TTBK2: variants seen among roughly 807,000 people sequenced by gnomAD.
TTBK2 encodes the protein tau-tubulin kinase 2.
Under a neutral mutation model 110.8 loss-of-function variants are expected in TTBK2, and 28 were observed. The observed-to-expected ratio is 0.25, with a 90% CI of 0.19 to 0.35. TTBK2 has a LOEUF of 0.35. TTBK2 is among the 10% of genes least tolerant of loss of function. TTBK2 has a pLI of 1.00. For missense variants in TTBK2, 1,369 were observed against 1,500.3 expected (o/e 0.91, Z 1.45); for synonymous variants, 532 against 527.3 (o/e 1.01, Z -0.12).
chr15:42,906,323 A>G (rs1024198888), intron 1 of TTBK2, among the ~76,000 whole-genome samples: 1 of 152,218 alleles, frequency 6.6e-6, no homozygotes, highest in Non-Finnish European at 1.5e-5. Flanking sequence ...AAATTACCAT[A>G]TTTGCACGGA....
chr15:42,884,241 G>T (rs1230572310), intron 1 of TTBK2, among the ~76,000 whole-genome samples: 1 of 152,090 alleles, frequency 6.6e-6, no homozygotes, highest in African/African-American at 2.4e-5. Flanking sequence ...AAATTGTCAA[G>T]AATACAGAAG....
chr15:42,867,517 A>G (rs888450919), intron 3 of TTBK2, among the ~76,000 whole-genome samples: 5 of 152,202 alleles, frequency 3.3e-5, no homozygotes, highest in African/African-American at 1.2e-4. Context: ...TGATTTTAAA[A>G]TGGGCCAAAA....
At chr15:42,892,704 CAA>C (rs35331798) in intron 1 of TTBK2, among the ~76,000 whole-genome samples, 12 of 37,916 alleles carry the variant, frequency 3.2e-4, no homozygotes, top group East Asian at 1.6e-3. Flanking sequence ...GACCCTGTCT[CAA>C]AAAAAAAAAA....
At chr15:42,757,601 A>T (rs1161809069) in intron 13 of TTBK2, among the ~76,000 whole-genome samples, 1 of 152,202 alleles carries the variant, frequency 6.6e-6, no homozygotes. Flanking sequence ...AAAACCTAGG[A>T]TCAGTAGTTG....
intron 7 of TTBK2, 53 bp downstream of exon 7, chr15:42,816,979 G>A (rs769980436): frequency 1.9e-5 from 23 of 1,201,870 alleles, no homozygotes; most frequent in Non-Finnish European, 2.5e-5. Context: ...AAGTCAATCT[G>A]ATTTAAGCTA....
upstream of TTBK2, chr15:42,920,880 G>A (rs932563143): frequency 1.3e-5 from 2 of 152,896 alleles, no homozygotes; most frequent in African/African-American, 4.8e-5. Flanking sequence ...TCCGCTACAG[G>A]TGCTGATTGG....
At chr15:42,768,125 A>G (rs1265736546) in intron 13 of TTBK2, among the ~76,000 whole-genome samples, 2 of 152,128 alleles carry the variant, frequency 1.3e-5, no homozygotes, top group Non-Finnish European at 2.9e-5. Flanking sequence ...AAATAATAAG[A>G]GTTATTTATG....
chr15:42,912,897 A>G (rs1039476918), intron 1 of TTBK2, among the ~76,000 whole-genome samples: 17 of 150,928 alleles, frequency 1.1e-4, no homozygotes, highest in Admixed American at 2.6e-4. Flanking sequence ...AGGCCGAGGC[A>G]GGTGGATCAT....
At chr15:42,781,135 T>C (rs1418326501) in intron 11 of TTBK2, among the ~76,000 whole-genome samples, 1 of 151,820 alleles carries the variant, frequency 6.6e-6, no homozygotes, top group African/African-American at 2.4e-5. Context: ...AGGCATGTAC[T>C]ACCCAAAAGA....
chr15:42,754,381 A>T (rs1327775802), intron 13 of TTBK2, among the ~76,000 whole-genome samples: 3 of 151,272 alleles, frequency 2.0e-5, no homozygotes, highest in African/African-American at 7.3e-5. Flanking sequence ...ATACCTGGCC[A>T]ATTTTTTATT....
intron 3 of TTBK2, among the ~76,000 whole-genome samples, chr15:42,868,143 G>A (rs1389825980): frequency 6.6e-6 from 1 of 152,096 alleles, no homozygotes; most frequent in Non-Finnish European, 1.5e-5. Context: ...GTGCACAGAG[G>A]ATTTTTAGGG....
chr15:42,783,969 G>A (rs1160702258), intron 10 of TTBK2, among the ~76,000 whole-genome samples: 1 of 151,976 alleles, frequency 6.6e-6, no homozygotes, highest in African/African-American at 2.4e-5. Flanking sequence ...GGCTGAGGCA[G>A]GAGAATTGCT....
intron 1 of TTBK2, among the ~76,000 whole-genome samples, chr15:42,912,650 G>T (rs2030840903): frequency 6.6e-6 from 1 of 151,984 alleles, no homozygotes; most frequent in Non-Finnish European, 1.5e-5. Flanking sequence ...GGCGGAGGTT[G>T]CAGTGAGCTG....
At chr15:42,831,442 A>G (rs960919233) in intron 4 of TTBK2, among the ~76,000 whole-genome samples, 1 of 152,172 alleles carries the variant, frequency 6.6e-6, no homozygotes, top group East Asian at 1.9e-4. Context: ...ACCAAACATT[A>G]TATGACAAAC....
chr15:42,899,778 G>A (rs1432209080), intron 1 of TTBK2, among the ~76,000 whole-genome samples: 1 of 150,414 alleles, frequency 6.6e-6, no homozygotes, highest in African/African-American at 2.4e-5. Context: ...GTGGGCGCCT[G>A]TAGTTCCCAG....
chr15:42,870,809 C>T (rs958305456), intron 3 of TTBK2, among the ~76,000 whole-genome samples: 2 of 149,330 alleles, frequency 1.3e-5, no homozygotes, highest in African/African-American at 5.0e-5. Flanking sequence ...TGCAGTGAGC[C>T]GAGATCATGC....
intron 3 of TTBK2, among the ~76,000 whole-genome samples, chr15:42,867,201 G>A (rs1467715167): frequency 2.0e-5 from 3 of 146,926 alleles, no homozygotes; most frequent in East Asian, 2.0e-4. Context: ...CCGAGACATC[G>A]CACCACTGCA....
At chr15:42,884,062 A>G (rs1208199703) in intron 1 of TTBK2, among the ~76,000 whole-genome samples, 2 of 152,214 alleles carry the variant, frequency 1.3e-5, no homozygotes, top group Non-Finnish European at 2.9e-5. Context: ...GCCAATTTAC[A>G]AAGAAATTAT....
chr15:42,852,817 G>A (rs1418758952), intron 3 of TTBK2, among the ~76,000 whole-genome samples: 1 of 152,062 alleles, frequency 6.6e-6, no homozygotes, highest in African/African-American at 2.4e-5. Flanking sequence ...CATCAACAAG[G>A]ACAAGCAAAA....
Sources: allele counts gnomAD v4.1 joint callset (sites outside exome capture counted in the v4.1 genomes callset), GRCh38; gene constraint gnomAD v4.1.1; transcripts MANE v1.5; gene names NCBI Gene and HGNC (gene_info 2026-07-23, HGNC 2026-07-21).